PDE4D: variants seen among roughly 807,000 people sequenced by gnomAD.
The protein encoded by PDE4D is phosphodiesterase 4D.
PDE4D carries 24 observed loss-of-function variants against 87.4 expected under a neutral mutation model. That is an observed-to-expected ratio of 0.27 (90% CI 0.20 to 0.39). The LOEUF is 0.39. Ranked by LOEUF, PDE4D falls within the 10% of genes least tolerant of loss-of-function variation. The pLI, the probability that PDE4D is intolerant of heterozygous loss-of-function variation, is 1.00. For synonymous variants in PDE4D, 384 were observed against 383.2 expected (o/e 1.00, Z -0.02); for missense variants, 714 against 1,041.0 (o/e 0.69, Z 4.32).
chr5:60,501,358 C>T (rs1260535666), intron 1 of PDE4D, among the ~76,000 whole-genome samples: 1 of 151,786 alleles, frequency 6.6e-6, no homozygotes, highest in African/African-American at 2.4e-5. Flanking sequence ...GCATAGTATT[C>T]CATGGTGTAT....
At chr5:59,687,584 G>C (rs1213483665) in intron 1 of PDE4D, among the ~76,000 whole-genome samples, 1 of 152,156 alleles carries the variant, frequency 6.6e-6, no homozygotes, top group Non-Finnish European at 1.5e-5. Context: ...AACATGGAAA[G>C]GAACAACCAG....
chr5:59,311,410 A>G (rs1772573696), intron 1 of PDE4D, among the ~76,000 whole-genome samples: 1 of 150,338 alleles, frequency 6.7e-6, no homozygotes, highest in African/African-American at 2.5e-5. Context: ...CTGAGGCACA[A>G]GCATCACTTG....
chr5:60,514,336 C>G (rs1484485885), intron 1 of PDE4D, among the ~76,000 whole-genome samples: 3 of 151,982 alleles, frequency 2.0e-5, no homozygotes, highest in Non-Finnish European at 4.4e-5. Flanking sequence ...CCACTCCCAA[C>G]TTGTATTATG....
chr5:59,966,355 AG>A (rs991377006), intron 3 of PDE4D, among the ~76,000 whole-genome samples: 1 of 152,196 alleles, frequency 6.6e-6, no homozygotes, highest in Admixed American at 6.6e-5. Flanking sequence ...GGGAAAATGT[AG>A]ATTCTTATAA....
chr5:59,731,392 T>C (rs1237144339), intron 1 of PDE4D, among the ~76,000 whole-genome samples: 2 of 152,058 alleles, frequency 1.3e-5, no homozygotes, highest in Admixed American at 6.6e-5. Context: ...ATGCTGAGGA[T>C]GGCTGGCACA....
At chr5:59,132,975 G>A (rs1029240060) in intron 5 of PDE4D, among the ~76,000 whole-genome samples, 4 of 152,148 alleles carry the variant, frequency 2.6e-5, no homozygotes, top group Non-Finnish European at 4.4e-5. Flanking sequence ...ATTATGACCA[G>A]TGTATGTCAA....
At chr5:58,999,634 A>G in intron 6 of PDE4D, 1 of 1,181,664 alleles carries the variant, frequency 8.5e-7, no homozygotes, top group Non-Finnish European at 1.0e-6. Flanking sequence ...CAACCTCCAC[A>G]AGCCACGCAG....
chr5:59,568,704 CT>C (rs1490352255), intron 1 of PDE4D, among the ~76,000 whole-genome samples: 2 of 151,954 alleles, frequency 1.3e-5, no homozygotes, highest in African/African-American at 4.8e-5. Flanking sequence ...GAGAGACATT[CT>C]ACAAAATACC....
chr5:60,513,198 G>A (rs975989106), intron 1 of PDE4D, among the ~76,000 whole-genome samples: 1 of 152,060 alleles, frequency 6.6e-6, no homozygotes, highest in Non-Finnish European at 1.5e-5. Flanking sequence ...AAAGCTATAT[G>A]TTTCTTACAA....
At chr5:59,311,297 C>T (rs987548062) in intron 1 of PDE4D, among the ~76,000 whole-genome samples, 48 of 151,630 alleles carry the variant, frequency 3.2e-4, no homozygotes, top group Admixed American at 2.8e-3. Context: ...GAGGCCAAGG[C>T]GGGTGGATCA....
intron 2 of PDE4D, among the ~76,000 whole-genome samples, chr5:60,123,730 A>G (rs1211233740): frequency 6.6e-6 from 1 of 152,146 alleles, no homozygotes; most frequent in East Asian, 1.9e-4. Flanking sequence ...TTTTCCAGTT[A>G]TTTTATAAAT....
chr5:60,147,150 C>T (rs189100057), intron 2 of PDE4D, among the ~76,000 whole-genome samples: 6 of 152,322 alleles, frequency 3.9e-5, no homozygotes, highest in Admixed American at 2.0e-4. Flanking sequence ...GAAAGCTACA[C>T]TGGTACTTCC....
intron 1 of PDE4D, among the ~76,000 whole-genome samples, chr5:59,718,226 T>C (rs1476512223): frequency 6.6e-6 from 1 of 152,192 alleles, no homozygotes; most frequent in African/African-American, 2.4e-5. Flanking sequence ...AATACTTATT[T>C]CGATCCAATG....
chr5:59,668,918 G>GAAAGA (rs776993674), intron 1 of PDE4D, among the ~76,000 whole-genome samples: 2 of 71,108 alleles, frequency 2.8e-5, no homozygotes, highest in African/African-American at 1.3e-4. Flanking sequence ...AGAAGAAGAA[G>GAAAGA]AAGAAAGAAA....
At chr5:59,301,272 T>C (rs146287561) in intron 1 of PDE4D, among the ~76,000 whole-genome samples, 4 of 152,114 alleles carry the variant, frequency 2.6e-5, no homozygotes, top group Admixed American at 6.5e-5. Context: ...CACCCAACAT[T>C]ATAACAAAAG....
At chr5:60,455,912 A>C (rs1315565536) in intron 1 of PDE4D, among the ~76,000 whole-genome samples, 1 of 152,174 alleles carries the variant, frequency 6.6e-6, no homozygotes, top group Non-Finnish European at 1.5e-5. Flanking sequence ...GGAGAGTTAG[A>C]AATGTCAGCC....
chr5:59,273,327 A>ATG (rs1491407811), intron 1 of PDE4D, among the ~76,000 whole-genome samples: 9 of 152,026 alleles, frequency 5.9e-5, no homozygotes, highest in African/African-American at 1.7e-4. Context: ...TCAAGTAAAC[A>ATG]TGTGTGTGTG....
chr5:59,455,211 C>A (rs532483488), intron 1 of PDE4D, among the ~76,000 whole-genome samples: 2 of 152,310 alleles, frequency 1.3e-5, no homozygotes, highest in South Asian at 2.1e-4. Flanking sequence ...TCATGGCAGC[C>A]CCTCTCATCA....
chr5:59,224,177 G>A (rs1013344494), intron 1 of PDE4D, among the ~76,000 whole-genome samples: 2 of 149,988 alleles, frequency 1.3e-5, no homozygotes, highest in African/African-American at 5.0e-5. Flanking sequence ...ACAAGCCTGT[G>A]GTGCTGAGGC....
Sources: gnomAD v4.1 joint callset for allele counts (sites outside exome capture counted in the v4.1 genomes callset) on GRCh38, gnomAD v4.1.1 for gene constraint, MANE v1.5 for transcripts, NCBI Gene and HGNC (gene_info 2026-07-23, HGNC 2026-07-21) for gene names.